The following CDKL2 variants were observed in gnomAD, a reference collection of about 807,000 sequenced individuals.
The protein encoded by CDKL2 is cyclin-dependent kinase-like 2.
A neutral mutation model predicts 63.9 loss-of-function variants in CDKL2; 64 were observed. That is an observed-to-expected ratio of 1.00 (90% confidence interval 0.82 to 1.23). The LOEUF is 1.23. CDKL2 is among the 50% of genes most tolerant of loss of function. The pLI is 0.00. For synonymous variants in CDKL2, 211 were observed against 229.2 expected, an observed-to-expected ratio of 0.92 and a Z score of 0.72; for missense variants, 656 against 668.0, an observed-to-expected ratio of 0.98 and a Z score of 0.20.
chr4:75,612,471 A>G (rs1272672858), intron 3 of CDKL2, among the ~76,000 whole-genome samples: 1 of 152,200 alleles, frequency 6.6e-6, no homozygotes, highest in Admixed American at 6.5e-5. Flanking sequence ...TGTGAGAGAG[A>G]CAATGGTTCT....
chr4:75,619,734 A>G (rs1182492637), intron 2 of CDKL2, among the ~76,000 whole-genome samples: 1 of 152,182 alleles, frequency 6.6e-6, no homozygotes, highest in Admixed American at 6.5e-5. Flanking sequence ...TACAGAGTCC[A>G]GTTCTAATAT....
At chr4:75,588,514 T>A (rs1728572748) in intron 12 of CDKL2, among the ~76,000 whole-genome samples, 1 of 152,164 alleles carries the variant, frequency 6.6e-6, no homozygotes, top group South Asian at 2.1e-4. Context: ...ATACATGGAA[T>A]AACATACAGC....
At chr4:75,585,296 G>T (rs1728426484) in intron 12 of CDKL2, among the ~76,000 whole-genome samples, 1 of 152,162 alleles carries the variant, frequency 6.6e-6, no homozygotes, top group South Asian at 2.1e-4. Context: ...ACATAAAGCA[G>T]CCAGGCATGG....
Position 75,588,423 on chromosome 4 carries a change from A to T in CDKL2, c.1647+3396T>A, listed in dbSNP as rs191314178. On this transcript the variant is annotated intron_variant, in intron 12 of 13. Transcript: ENST00000307465. Reference sequence around the variant, plus strand: ...AAAACATGACAAATATATCTTTTTTAAAAAAGGGAAATCATAGTAGCAGTA... The same window carrying T: ...AAAACATGACAAATATATCTTTTTTTAAAAAGGGAAATCATAGTAGCAGTA... 1.5e-3 allele frequency among the ~76,000 whole-genome samples: 229 copies of T among 152,240 alleles called. 1 individual carries two copies. Among genetic ancestry groups the T allele is most frequent in the African/African-American group, 5.4e-3 (224 of 41,562 alleles).
At chr4:75,626,375 C>T (rs926905983) in intron 1 of CDKL2, among the ~76,000 whole-genome samples, 1 of 152,124 alleles carries the variant, frequency 6.6e-6, no homozygotes, top group Non-Finnish European at 1.5e-5. Flanking sequence ...CTTTAAAAAG[C>T]ACAATTCCAG....
intron 3 of CDKL2, among the ~76,000 whole-genome samples, chr4:75,610,377 T>C (rs905594273): frequency 2.0e-5 from 3 of 152,130 alleles, no homozygotes; most frequent in Non-Finnish European, 4.4e-5. Flanking sequence ...CCAACTCTAA[T>C]ACCTTATAAC....
intron 1 of CDKL2, among the ~76,000 whole-genome samples, chr4:75,627,731 C>CTT (rs57328528): frequency 0.026 from 2,263 of 85,900 alleles, 105 homozygotes; most frequent in Admixed American, 0.054. Context: ...CTTTTTTTTT[C>CTT]TTTTTTTTTT....
intron 2 of CDKL2, among the ~76,000 whole-genome samples, chr4:75,618,957 C>T (rs1730046049): frequency 6.6e-6 from 1 of 152,150 alleles, no homozygotes; most frequent in African/African-American, 2.4e-5. Context: ...GGGAGCATCT[C>T]CATGTACCTG....
Position 75,614,396 on chromosome 4 carries a change from T to C in CDKL2, c.222A>G (p.Lys74=). The part of the protein sequence containing the change: ...VNLLEVCKKK[K]RWYLVFEFVD... ...CAAATTCAAAGACTAGGTACCATCG[T>C]TTTTTTTTCTTACACACTTCCAAGA... Residue 74 remains lysine, a synonymous_variant, in exon 3 of 14, where the codon AAA becomes AAG. Coordinates refer to ENST00000307465, the MANE Select transcript of CDKL2 (RefSeq NM_001330724.2). 6.3e-7 allele frequency: 1 copy of C among 1,592,384 alleles called. No individual in the cohort carries two copies. The highest frequency in any genetic ancestry group is 8.6e-7 in the Non-Finnish European group (1 of 1,166,914).
chr4:75,626,288 C>T (rs1020437883), intron 1 of CDKL2, among the ~76,000 whole-genome samples: 45 of 152,322 alleles, frequency 3.0e-4, no homozygotes, highest in African/African-American at 1.1e-3. Flanking sequence ...TACTAAATGT[C>T]ATGTTAATGA....
intron 3 of CDKL2, among the ~76,000 whole-genome samples, chr4:75,610,494 G>C (rs1436238491): frequency 3.3e-5 from 5 of 151,896 alleles, no homozygotes; most frequent in Non-Finnish European, 7.4e-5. Context: ...CTATGAAAAG[G>C]GTAGGCTCTG....
At chr4:75,600,023 G>C (rs1236066082) in intron 7 of CDKL2, among the ~76,000 whole-genome samples, 1 of 152,172 alleles carries the variant, frequency 6.6e-6, no homozygotes, top group Non-Finnish European at 1.5e-5. Context: ...GATCTGACTG[G>C]TAGACGTCAC....
At chr4:75,582,123 G>A (rs1282437469) in intron 12 of CDKL2, among the ~76,000 whole-genome samples, 3 of 152,250 alleles carry the variant, frequency 2.0e-5, no homozygotes, top group Admixed American at 6.5e-5. Context: ...CTTAGTTTAT[G>A]CATATGTTAA....
chr4:75,593,940 C>T (rs868676467), intron 10 of CDKL2, among the ~76,000 whole-genome samples: 1 of 151,992 alleles, frequency 6.6e-6, no homozygotes, highest in South Asian at 2.1e-4. Flanking sequence ...TTGTGAAAAG[C>T]ATTCATTCAT....
intron 13 of CDKL2, among the ~76,000 whole-genome samples, chr4:75,580,723 C>T (rs1218795079): frequency 5.8e-5 from 8 of 137,102 alleles, no homozygotes; most frequent in African/African-American, 1.1e-4. Flanking sequence ...TTTTTTGAGA[C>T]GGAGTCTCGC....
chr4:75,598,592 TA>T (rs576539566), intron 7 of CDKL2, among the ~76,000 whole-genome samples: 114 of 145,858 alleles, frequency 7.8e-4, no homozygotes, highest in African/African-American at 2.1e-3. Flanking sequence ...TTTTTTTTTT[TA>T]AAAAAAAAAA....
At chr4:75,627,731 C>CTTTTTTTTTTTTTTTTTTTT (rs57328528) in intron 1 of CDKL2, among the ~76,000 whole-genome samples, 6 of 86,004 alleles carry the variant, frequency 7.0e-5, no homozygotes, top group East Asian at 3.0e-4. Context: ...CTTTTTTTTT[C>CTTTTTTTTTTTTTTTTTTTT]TTTTTTTTTT....
intron 2 of CDKL2, among the ~76,000 whole-genome samples, chr4:75,614,962 A>ATATATAGTG (rs1729872795): frequency 6.7e-6 from 1 of 148,948 alleles, no homozygotes; most frequent in African/African-American, 2.4e-5. Flanking sequence ...TATATACACT[A>ATATATAGTG]TATATATATG....
At chr4:75,601,726 A>T (rs1021264591) in intron 6 of CDKL2, among the ~76,000 whole-genome samples, 1 of 152,306 alleles carries the variant, frequency 6.6e-6, no homozygotes, top group Non-Finnish European at 1.5e-5. Context: ...TATTCCCTTT[A>T]TATCTCCTTA....
Sources: gnomAD v4.1 joint callset for allele counts (sites outside exome capture counted in the v4.1 genomes callset) on GRCh38, gnomAD v4.1.1 for gene constraint, MANE v1.5 for transcripts, NCBI Gene and HGNC (gene_info 2026-07-23, HGNC 2026-07-21) for gene names.